The following LETM1 variants were observed in gnomAD, a reference collection of about 807,000 sequenced individuals.
LETM1 encodes the protein mitochondrial proton/calcium exchanger protein.
In LETM1, 50 loss-of-function variants were observed where a neutral mutation model predicts 74.5. The observed-to-expected ratio is 0.67, with a 90% CI of 0.53 to 0.85. The LOEUF (loss-of-function observed/expected upper bound fraction) is 0.85, where lower values mean the gene tolerates loss of function less well. LETM1 is among the 40% of genes least tolerant of loss of function. The pLI is 0.00. For missense variants in LETM1, 824 were observed against 967.8 expected (o/e 0.85, Z 1.97); for synonymous variants, 446 against 407.1 (o/e 1.10, Z -1.15).
intron 6 of LETM1, 41 bp downstream of exon 6, chr4:1,832,703 T>C (rs1015917396): frequency 6.3e-7 from 1 of 1,586,382 alleles, no homozygotes; most frequent in African/African-American, 1.3e-5. Flanking sequence ...AACGAAAAGG[T>C]AAAACACCAG....
intron 6 of LETM1, among the ~76,000 whole-genome samples, chr4:1,830,866 C>CA (rs1257826525): frequency 9.9e-5 from 15 of 152,090 alleles, no homozygotes; most frequent in African/African-American, 3.1e-4. Context: ...ATCTGACTTC[C>CA]AGTGTGTCGC....
chr4:1,826,912 T>G (rs1004940441), intron 6 of LETM1, among the ~76,000 whole-genome samples: 1 of 152,152 alleles, frequency 6.6e-6, no homozygotes, highest in Non-Finnish European at 1.5e-5. Context: ...GAGTCGGCGC[T>G]CCACCCACGA....
chr4:1,852,154 C>A (rs938752257), intron 1 of LETM1, among the ~76,000 whole-genome samples: 1 of 152,242 alleles, frequency 6.6e-6, no homozygotes. Context: ...CTCAGTCCCA[C>A]AAGACTGCCC....
chr4:1,854,479 CAAAAAAA>C (rs538075828), intron 1 of LETM1, among the ~76,000 whole-genome samples: 21 of 100,468 alleles, frequency 2.1e-4, no homozygotes, highest in African/African-American at 6.5e-4. Context: ...GACTCCATTT[CAAAAAAA>C]AAAAAAAAAA....
intron 6 of LETM1, among the ~76,000 whole-genome samples, chr4:1,831,686 G>C (rs969307967): frequency 6.6e-6 from 1 of 152,200 alleles, no homozygotes; most frequent in African/African-American, 2.4e-5. Context: ...GCAAGGGCGG[G>C]ATACAGGCTC....
rs1307518271 is a variant in LETM1, at chr4:1,813,568, G to C, written c.*856C>G. 1 of 152,464 alleles carries C rather than the reference G, an allele frequency of 6.6e-6. No individual in the cohort carries two copies. The highest frequency in any genetic ancestry group is 1.9e-4 in the East Asian group (1 of 5,288). 9.4% of individuals were successfully genotyped at this position (152,464 alleles called of 1,614,324 possible). Reference sequence around the variant, plus strand: ...GCTTGCTGAAGGAGCCCAGGGGCCTGAGCCTGCAACACTGCAAGGGGTGAG... The same window carrying C: ...GCTTGCTGAAGGAGCCCAGGGGCCTCAGCCTGCAACACTGCAAGGGGTGAG... On this transcript the variant is annotated 3_prime_UTR_variant, in exon 14 of 14. Coordinates refer to ENST00000302787, the MANE Select transcript of LETM1 (RefSeq NM_012318.3).
intron 6 of LETM1, among the ~76,000 whole-genome samples, chr4:1,828,340 C>A (rs1712093776): frequency 8.4e-6 from 1 of 119,616 alleles, no homozygotes; most frequent in African/African-American, 3.4e-5. Flanking sequence ...ACCCCCCCCA[C>A]CTCCCTCCCG....
chr4:1,834,942 A>G lies in LETM1; in HGVS notation c.779T>C (p.Leu260Pro). 1.2e-6 allele frequency: 2 copies of G among 1,614,176 alleles called. No homozygotes were observed. The highest frequency in any genetic ancestry group is 1.7e-6 in the Non-Finnish European group (2 of 1,180,024). ...GATGGTGTCCTGGAGGAACTTGGCC[A>G]GCTCCAGCTTGACCCGAAGCTCCTT... ...LKKELRVKLE[L>P]AKFLQDTIEE... The change falls in exon 5 of 14, where the codon CTG becomes CCG. Residue 260 changes from leucine to proline, a missense_variant. Transcript: ENST00000302787. This position sits in a 1 kb window ranked among gnomAD's most constrained non-coding sequence, Gnocchi z 5.0.
intron 2 of LETM1, among the ~76,000 whole-genome samples, chr4:1,848,715 CAAAAAAAAAAA>C (rs927486416): frequency 3.0e-4 from 13 of 43,898 alleles, no homozygotes; most frequent in Non-Finnish European, 4.2e-4. Flanking sequence ...GGCTCTGTCT[CAAAAAAAAAAA>C]AAAAAAAAAA....
At chr4:1,853,216 T>A (rs769170414) in intron 1 of LETM1, among the ~76,000 whole-genome samples, 5 of 152,232 alleles carry the variant, frequency 3.3e-5, no homozygotes, top group Non-Finnish European at 7.3e-5. Context: ...GCCCTCACTG[T>A]TGTCCCCAGG....
chr4:1,851,551 T>G (rs1162009696), intron 1 of LETM1, among the ~76,000 whole-genome samples: 1 of 152,170 alleles, frequency 6.6e-6, no homozygotes, highest in African/African-American at 2.4e-5. Context: ...GGAGCTGGGT[T>G]AAGGGGAAAA....
chr4:1,815,186 G>A (rs540594607), intron 13 of LETM1, among the ~76,000 whole-genome samples: 1 of 152,222 alleles, frequency 6.6e-6, no homozygotes, highest in Non-Finnish European at 1.5e-5. Context: ...CCTGGAACCT[G>A]AGTGGCTGCA....
At chr4:1,821,694 C>T (rs1711780555) in intron 10 of LETM1, among the ~76,000 whole-genome samples, 1 of 152,168 alleles carries the variant, frequency 6.6e-6, no homozygotes, top group African/African-American at 2.4e-5. Context: ...CCAGGAGGCG[C>T]CCCAGGTAGG....
intron 3 of LETM1, among the ~76,000 whole-genome samples, chr4:1,838,590 T>A (rs1712570853): frequency 6.6e-6 from 1 of 152,092 alleles, no homozygotes; most frequent in Non-Finnish European, 1.5e-5. Context: ...GGTAGGAGGA[T>A]CCCTTATGCC....
intron 12 of LETM1, among the ~76,000 whole-genome samples, chr4:1,816,510 A>G (rs1265335318): frequency 6.6e-6 from 1 of 152,094 alleles, no homozygotes; most frequent in Non-Finnish European, 1.5e-5. Flanking sequence ...TGGGAAGAGG[A>G]AGAGGGGCCA....
chr4:1,815,286 T>C (rs1484713403), intron 13 of LETM1, among the ~76,000 whole-genome samples: 2 of 152,090 alleles, frequency 1.3e-5, no homozygotes, highest in Non-Finnish European at 2.9e-5. Context: ...CTCTCAGCTT[T>C]GGGGGCCCCC....
chr4:1,830,576 C>A (rs1252673994), intron 6 of LETM1, among the ~76,000 whole-genome samples: 2 of 152,240 alleles, frequency 1.3e-5, no homozygotes, highest in African/African-American at 4.8e-5. Flanking sequence ...TCAAGCAGTC[C>A]TCCCACCTTG....
rs140266867 is a variant in LETM1 at position 1,824,662 on chromosome 4, C to G, written c.1201-887G>C. Reference sequence around the variant, plus strand: ...AAAGTGTGAACACATGACACTCGGGCCCCCAATGCGCCACACTCCCCTGGG... The same window carrying G: ...AAAGTGTGAACACATGACACTCGGGGCCCCAATGCGCCACACTCCCCTGGG... On this transcript the variant is annotated intron_variant, in intron 7 of 13. Coordinates refer to ENST00000302787, the MANE Select transcript of LETM1 (RefSeq NM_012318.3). Among the ~76,000 whole-genome samples the G allele has an allele frequency of 2.8e-3, 429 of 152,272 alleles. 1 individual carries two copies. The highest frequency in any genetic ancestry group is 9.8e-3 in the African/African-American group (408 of 41,548).
chr4:1,835,536 C>T (rs1231625932), intron 4 of LETM1, among the ~76,000 whole-genome samples: 4 of 152,176 alleles, frequency 2.6e-5, no homozygotes, highest in Admixed American at 1.3e-4. Flanking sequence ...GCACACTTTC[C>T]GTAATGGGCT....
Sources: allele counts gnomAD v4.1 joint callset (sites outside exome capture counted in the v4.1 genomes callset), GRCh38; gene constraint gnomAD v4.1.1; non-coding constraint Gnocchi (gnomAD v3.1); transcripts MANE v1.5; gene names NCBI Gene and HGNC (gene_info 2026-07-23, HGNC 2026-07-21).